Variants in TMEM201 observed in about 807,000 individuals in gnomAD.
The protein encoded by TMEM201 is transmembrane protein 201, also known as RP13-15M17.2.
TMEM201 carries 26 observed loss-of-function variants against 63.4 expected under a neutral mutation model. The ratio of observed to expected loss-of-function variants is 0.41; its 90% CI spans 0.30 to 0.57. The LOEUF (loss-of-function observed/expected upper bound fraction) is 0.57. TMEM201 is among the 20% of genes least tolerant of loss of function. TMEM201 has a pLI of 0.29. For synonymous variants in TMEM201, 417 were observed against 421.6 expected (o/e 0.99, Z 0.14); for missense variants, 794 against 917.7 (o/e 0.87, Z 1.74).
chr1:9,601,386 C>T lies in TMEM201; in HGVS notation c.888C>T (p.His296=), dbSNP rs1017140758. The change falls in exon 5 of 11, where the codon CAC becomes CAT. Residue 296 remains histidine, a synonymous_variant. Coordinates refer to ENST00000340381, the MANE Select transcript of TMEM201 (RefSeq NM_001130924.3). ...LCEAWAFGQS[H]QTGVVALGLL... The stretch of plus-strand genomic sequence containing the variant: ...AGGCCTGGGCCTTTGGGCAGAGCCA[C>T]CAGACGGGCGTCGTGGCACTGGGCC... 4 of 1,604,140 alleles carry T rather than the reference C, an allele frequency of 2.5e-6. No homozygotes were observed. The African/African-American group carries it at 4.0e-5, about 16-fold the overall frequency.
chr1:9,595,877 C>A lies in TMEM201; in HGVS notation c.114-13C>A. On this transcript the variant is annotated splice_polypyrimidine_tract_variant and intron_variant, in intron 1 of 10. Coordinates refer to ENST00000340381, the MANE Select transcript of TMEM201 (RefSeq NM_001130924.3). ...GGTCTTCCAGGCCAACCCGCTCTTT[C>A]CTTGGTCCACAGGATGAAGCCAACG... The A allele has an allele frequency of 6.2e-7, 1 of 1,612,850 alleles. No individual in the cohort carries two copies.
At position 9,598,616 on chromosome 1, in the gene TMEM201, C is replaced by A. The variant is rs757305632; in HGVS notation, c.597C>A (p.Thr199=). 9 of 1,612,744 alleles carry A rather than the reference C, an allele frequency of 5.6e-6. No homozygotes were observed. The highest frequency in any genetic ancestry group is 1.6e-4 in the Middle Eastern group (1 of 6,074). Residue 199 remains threonine, a synonymous_variant, in exon 4 of 11, where the codon ACC becomes ACA. Transcript: ENST00000340381. ...HQFKRREADQ[T]HAQNFSSAVK... is the part of the protein sequence containing the mutation. ...TCAAGCGCCGGGAGGCCGACCAGAC[C>A]CACGCACAGGTGAGAGGCGGCATCC...
In TMEM201 at chr1:9,605,039, G is replaced by T; in HGVS notation, c.1161-2518G>T. 3.0e-6 allele frequency: 3 copies of T among 984,762 alleles called. No individual in the cohort carries two copies. Among genetic ancestry groups the T allele is most frequent in the Non-Finnish European group, 3.6e-6 (3 of 829,124 alleles). The allele number at this position is 984,762 out of a possible 1,614,324, so 61.0% of individuals were successfully genotyped here. On this transcript the variant is annotated intron_variant, in intron 6 of 10. Coordinates refer to ENST00000340381, the MANE Select transcript of TMEM201 (RefSeq NM_001130924.3). The surrounding 1 kb of genome is among the most constrained non-coding windows in gnomAD (Gnocchi z 5.7). ...GGCTGGGGTGGGCAGCTGTGTTTGG[G>T]GTACAGACACGTCCACAGGAGTCAG...
In TMEM201 at chr1:9,604,612, G is replaced by C. The variant is rs1265790029; in HGVS notation, c.1160+2340G>C. 1 of 985,454 alleles carries C rather than the reference G, an allele frequency of 1.0e-6. No individual in the cohort carries two copies. Among genetic ancestry groups the C allele is most frequent in the East Asian group, 1.1e-4 (1 of 8,820 alleles). 61.0% of individuals were successfully genotyped at this position (985,454 alleles called of 1,614,324 possible). A position where few individuals can be genotyped will look rare whatever the true frequency, so the allele number is the denominator to read the frequency against. On this transcript the variant is annotated intron_variant, in intron 6 of 10. Coordinates refer to ENST00000340381, the MANE Select transcript of TMEM201 (RefSeq NM_001130924.3). This position sits in a 1 kb window ranked among gnomAD's most constrained non-coding sequence, Gnocchi z 4.1. ...TAGGGTCTGGCTGGGGTCATCCTAG[G>C]TATGGGTGACCGTCCCTGAGACATA...
rs1227463144 is a variant in TMEM201 at position 9,601,256 on chromosome 1, G to A, written c.758G>A (p.Gly253Asp). 1.2e-6 allele frequency: 2 copies of A among 1,610,956 alleles called. No individual in the cohort carries two copies. The highest frequency in any genetic ancestry group is 2.2e-5 in the East Asian group (1 of 44,880). ...ACTGTGCCCCTGGCCCTGCCACCTG[G>A]TGGCAATGGCTCAGCCACACCTGAC... ...GTTVPLALPP[G>D]GNGSATPDNG... The change falls in exon 5 of 11, where the codon GGT becomes GAT. Residue 253 changes from glycine to aspartate, a missense_variant. By Grantham distance (94) the Gly-to-Asp change is moderately conservative. Transcript: ENST00000340381.
intron 1 of TMEM201, among the ~76,000 whole-genome samples, chr1:9,595,258 G>A (rs539809740): frequency 2.0e-5 from 3 of 152,320 alleles, no homozygotes; most frequent in East Asian, 1.9e-4. Flanking sequence ...GTCACCACAC[G>A]TGTAGCCAGC....
chr1:9,612,400 A>G (rs2100531420), intron 10 of TMEM201, among the ~76,000 whole-genome samples: 1 of 152,194 alleles, frequency 6.6e-6, no homozygotes, highest in Admixed American at 6.5e-5. Flanking sequence ...CTCAGGGGCA[A>G]GAGACCAGAT....
chr1:9,592,328 T>TA (rs1351375735), intron 1 of TMEM201, among the ~76,000 whole-genome samples: 1 of 152,176 alleles, frequency 6.6e-6, no homozygotes, highest in Non-Finnish European at 1.5e-5. Context: ...ACCTGACTCT[T>TA]ACAGTCTTTC....
chr1:9,611,200 T>A, intron 9 of TMEM201: 1 of 7,112 alleles, frequency 1.4e-4, no homozygotes, highest in Non-Finnish European at 2.4e-4. Flanking sequence ...GTAGATTTCC[T>A]TTTTTTTTTT....
intron 6 of TMEM201, chr1:9,602,778 G>T (rs2100497353): frequency 4.0e-6 from 4 of 995,208 alleles, no homozygotes; most frequent in Non-Finnish European, 4.8e-6. Flanking sequence ...GGCTGGGGCA[G>T]CAGAGAGCCC....
At chr1:9,600,792 C>T (rs1644124189) in intron 4 of TMEM201, among the ~76,000 whole-genome samples, 1 of 152,082 alleles carries the variant, frequency 6.6e-6, no homozygotes, top group Admixed American at 6.5e-5. Flanking sequence ...TGGTGGTGGG[C>T]GCCTGTAATC....
intron 4 of TMEM201, 131 bp downstream of exon 4, chr1:9,598,756 ATTTTATTTTT>A: frequency 2.2e-6 from 2 of 899,422 alleles, no homozygotes; most frequent in Non-Finnish European, 3.2e-6. Flanking sequence ...ATTTTATTTT[ATTTTATTTTT>A]GAGATAAAGT....
Position 9,610,790 on chromosome 1 carries a change from G to A in TMEM201, c.1750G>A (p.Val584Met), listed in dbSNP as rs374970443. The A allele has an allele frequency of 1.3e-4, 203 of 1,542,870 alleles. No individual in the cohort carries two copies. The highest frequency in any genetic ancestry group is 1.6e-4 in the Non-Finnish European group (185 of 1,141,554). ...TCCCCGGAAGCCGCCCCTGCAGGAC[G>A]TGAAGCACGCCCTGGGTACGGCCTT... ...HVPRKPPLQD[V>M]KHALDLRSKL... is the part of the protein sequence containing the mutation. Residue 584 changes from valine (V) to methionine (M), a missense_variant, in exon 9 of 11, where the codon GTG becomes ATG. Val to Met is a conservative substitution (Grantham distance 21). Coordinates refer to ENST00000340381, the MANE Select transcript of TMEM201 (RefSeq NM_001130924.3). The surrounding 1 kb of genome is among the most constrained non-coding windows in gnomAD (Gnocchi z 4.9).
intron 10 of TMEM201, among the ~76,000 whole-genome samples, chr1:9,612,440 G>C (rs1644337708): frequency 6.6e-6 from 1 of 152,204 alleles, no homozygotes; most frequent in Non-Finnish European, 1.5e-5. Context: ...TCCCTGGGTG[G>C]GGAGGAGGGG....
chr1:9,611,717 T>C, intron 9 of TMEM201, 36 bp from the exon 10 acceptor site: 5 of 1,550,852 alleles, frequency 3.2e-6, no homozygotes, highest in Non-Finnish European at 4.4e-6. Flanking sequence ...GAGGGAGCCA[T>C]GAGCGCCACT....
chr1:9,602,526 T>G, intron 6 of TMEM201: 1 of 1,392,168 alleles, frequency 7.2e-7, no homozygotes, highest in Non-Finnish European at 9.3e-7. Flanking sequence ...CTGCCACCTC[T>G]CTGGCCAATG....
intron 4 of TMEM201, among the ~76,000 whole-genome samples, chr1:9,600,255 A>G (rs1023771391): frequency 6.6e-6 from 1 of 152,190 alleles, no homozygotes; most frequent in Non-Finnish European, 1.5e-5. Context: ...ACTGAGTACT[A>G]TGATAAAAAT....
Position 9,603,323 on chromosome 1 carries a change from G to A in TMEM201, c.1160+1051G>A. 1.0e-6 allele frequency: 1 copy of A among 985,058 alleles called. No individual in the cohort carries two copies. Among genetic ancestry groups the A allele is most frequent in the Non-Finnish European group, 1.2e-6 (1 of 829,574 alleles). The allele number at this position is 985,058 out of a possible 1,614,324, so 61.0% of individuals were successfully genotyped here. On this transcript the variant is annotated intron_variant, in intron 6 of 10. Transcript: ENST00000340381. This position sits in a 1 kb window ranked among gnomAD's most constrained non-coding sequence, Gnocchi z 4.5. ...TCCATAGCCCTTGGGTGCCAGCTCA[G>A]TGGGTGTGGGGATCACATGAGGTGG...
chr1:9,608,341 C>T lies in TMEM201; in HGVS notation c.1393+552C>T, dbSNP rs1242968052. ...TGACATGACCTTGGGTAAATGTGTG[C>T]ACCGTGCTGTGCCCTAATCTTTTCC... On this transcript the variant is annotated intron_variant, in intron 7 of 10. Transcript: ENST00000340381. The surrounding 1 kb of genome is among the most constrained non-coding windows in gnomAD (Gnocchi z 4.3). 6.6e-6 allele frequency among the ~76,000 whole-genome samples: 1 copy of T among 152,216 alleles called. No individual in the cohort carries two copies. Among genetic ancestry groups the T allele is most frequent in the African/African-American group, 2.4e-5 (1 of 41,446 alleles).
Sources: gnomAD v4.1 joint callset for allele counts (sites outside exome capture counted in the v4.1 genomes callset) on GRCh38, gnomAD v4.1.1 for gene constraint, Gnocchi (gnomAD v3.1) non-coding constraint, MANE v1.5 for transcripts, NCBI Gene and HGNC (gene_info 2026-07-23, HGNC 2026-07-21) for gene names.